The following PCDH15 variants were observed in gnomAD, a reference collection of about 807,000 sequenced individuals.
PCDH15 encodes protocadherin related 15.
A neutral mutation model predicts 178.5 loss-of-function variants in PCDH15; 129 were observed. That is an observed-to-expected ratio of 0.72 (90% CI 0.63 to 0.84). The LOEUF is 0.84. PCDH15 is among the 40% of genes least tolerant of loss of function. The pLI is 0.00. For missense variants in PCDH15, 2,230 were observed against 2,099.9 expected, an observed-to-expected ratio of 1.06 and a Z score of -1.21; for synonymous variants, 800 against 732.0, an observed-to-expected ratio of 1.09 and a Z score of -1.50.
intron 3 of PCDH15, among the ~76,000 whole-genome samples, chr10:54,835,232 T>C (rs1330100535): frequency 3.9e-5 from 6 of 152,174 alleles, no homozygotes; most frequent in Non-Finnish European, 8.8e-5. Flanking sequence ...CATATCTTCA[T>C]GGTCGCAATG....
At chr10:54,735,316 A>G (rs944661716) in intron 1 of PCDH15, among the ~76,000 whole-genome samples, 1 of 152,082 alleles carries the variant, frequency 6.6e-6, no homozygotes, top group African/African-American at 2.4e-5. Flanking sequence ...AATGATTGCC[A>G]TTCTAACTGG....
chr10:54,160,967 A>T (rs527776539), intron 13 of PCDH15, among the ~76,000 whole-genome samples: 1 of 152,286 alleles, frequency 6.6e-6, no homozygotes, highest in African/African-American at 2.4e-5. Context: ...TTGACAGTTT[A>T]TTTAAAAAGT....
chr10:54,336,560 C>A (rs1453194523), intron 6 of PCDH15, among the ~76,000 whole-genome samples: 1 of 152,150 alleles, frequency 6.6e-6, no homozygotes, highest in Non-Finnish European at 1.5e-5. Flanking sequence ...AAGCCCCAAG[C>A]CTTGGTAGCT....
rs142965016 is a variant in PCDH15, at chr10:55,286,847, T to C, written c.-156+32752A>G. Among the ~76,000 whole-genome samples, 4 of 152,166 alleles carry C rather than the reference T, an allele frequency of 2.6e-5. No individual in the cohort carries two copies. In the East Asian group the frequency reaches 7.7e-4, roughly 29 times the overall value. ...TTGCACTTTCTTAAGTTTTATTATATATTTCTTTTCATGCATTTGTATTAG... is the reference window on the plus strand; with the variant it reads ...TTGCACTTTCTTAAGTTTTATTATACATTTCTTTTCATGCATTTGTATTAG... On this transcript the variant is annotated intron_variant, in intron 1 of 5. Transcript: ENST00000458638.
chr10:54,232,152 G>A (rs753779758), intron 9 of PCDH15, among the ~76,000 whole-genome samples: 19 of 152,116 alleles, frequency 1.2e-4, no homozygotes, highest in African/African-American at 2.4e-5. Flanking sequence ...GAGGGACCTG[G>A]TAGGAGGTCA....
At chr10:53,995,532 A>G (rs984974857) in intron 21 of PCDH15, 117 bp downstream of exon 21, 1 of 1,578,834 alleles carries the variant, frequency 6.3e-7, no homozygotes, top group African/African-American at 1.3e-5. Context: ...AAAATGTATG[A>G]ATAAATAGGG....
chr10:53,821,095 A>G, intron 32 of PCDH15: 1 of 978,144 alleles, frequency 1.0e-6, no homozygotes, highest in Non-Finnish European at 1.2e-6. Flanking sequence ...ATGCCTTACA[A>G]AAGTCAACGA....
At chr10:54,444,297 G>A (rs552462653) in intron 3 of PCDH15, among the ~76,000 whole-genome samples, 24 of 151,736 alleles carry the variant, frequency 1.6e-4, no homozygotes, top group South Asian at 1.0e-3. Context: ...ACATGATTCC[G>A]GGGAGGAGCA....
rs567689810 is a variant in PCDH15, at chr10:54,519,446, T to G, written c.157+8366A>C. ...GACAAACAGAGAGCCAAATCATGAG[T>G]GAACTCCCATTCACAATTGCTTCAA... On this transcript the variant is annotated intron_variant, in intron 3 of 37. Coordinates refer to ENST00000644397, the MANE Select transcript of PCDH15 (RefSeq NM_001384140.1). Among the ~76,000 whole-genome samples, 67 of 152,186 alleles carry G rather than the reference T, an allele frequency of 4.4e-4. 1 individual carries two copies. Among genetic ancestry groups the G allele is most frequent in the South Asian group, 3.3e-3 (16 of 4,818 alleles).
rs143314693 is a variant in PCDH15, at chr10:54,659,979, G to T, written c.91+4193C>A. Among the ~76,000 whole-genome samples the T allele has an allele frequency of 1.9e-4, 29 of 152,068 alleles. 1 individual carries two copies. The East Asian group carries it at 5.6e-3, about 29-fold the overall frequency. ...AAAGCACTAAATGCCTACATAAAAA[G>T]ATAAAAATATCTTAAATTAATAATC... is the stretch of plus-strand genomic sequence containing the variant. On this transcript the variant is annotated intron_variant, in intron 2 of 37. Transcript: ENST00000644397.
chr10:55,010,345 G>C (rs1207859655), intron 2 of PCDH15, among the ~76,000 whole-genome samples: 1 of 152,108 alleles, frequency 6.6e-6, no homozygotes, highest in East Asian at 1.9e-4. Context: ...AGCAAAGACA[G>C]GCAAAGCCCC....
chr10:55,222,000 G>T (rs1840890357), intron 1 of PCDH15, among the ~76,000 whole-genome samples: 1 of 150,454 alleles, frequency 6.6e-6, no homozygotes, highest in African/African-American at 2.4e-5. Context: ...TCGAGTAGCT[G>T]GGACTACAGG....
chr10:55,090,181 T>C (rs10763181), intron 2 of PCDH15, among the ~76,000 whole-genome samples: 34,840 of 151,864 alleles, frequency 0.23, 4,525 homozygotes, highest in African/African-American at 0.34. Context: ...ATTAATGTTA[T>C]AGAAAAGATG....
Position 54,983,899 on chromosome 10 carries a change from T to C in PCDH15, c.-79-86399A>G, listed in dbSNP as rs113386558. ...CCCTGTAAAAACAGAGATAACACAATTGATAGAAAGTGATTCAAGTACTCC... is the reference window on the plus strand; with the variant it reads ...CCCTGTAAAAACAGAGATAACACAACTGATAGAAAGTGATTCAAGTACTCC... On this transcript the variant is annotated intron_variant, in intron 2 of 5. Transcript: ENST00000458638. Among the ~76,000 whole-genome samples, 271 of 152,098 alleles carry C rather than the reference T, an allele frequency of 1.8e-3. 1 individual carries two copies. The highest frequency in any genetic ancestry group is 2.7e-3 in the South Asian group (13 of 4,804).
chr10:54,120,630 A>G (rs2095200477), intron 15 of PCDH15, among the ~76,000 whole-genome samples: 1 of 152,198 alleles, frequency 6.6e-6, no homozygotes, highest in Non-Finnish European at 1.5e-5. Flanking sequence ...AACAGGGATT[A>G]CTATTCTCAT....
intron 2 of PCDH15, among the ~76,000 whole-genome samples, chr10:55,450,111 T>A (rs921771077): frequency 3.9e-4 from 59 of 152,192 alleles, no homozygotes; most frequent in African/African-American, 1.4e-3. Context: ...TTCTATAATA[T>A]CAAGCTACAT....
intron 2 of PCDH15, among the ~76,000 whole-genome samples, chr10:55,353,759 A>C (rs1332612322): frequency 1.3e-5 from 2 of 152,064 alleles, no homozygotes; most frequent in African/African-American, 4.8e-5. Flanking sequence ...TGATGATCAT[A>C]AAGCACACAA....
At chr10:54,567,704 T>C (rs1315133222) in intron 2 of PCDH15, among the ~76,000 whole-genome samples, 2 of 152,162 alleles carry the variant, frequency 1.3e-5, no homozygotes, top group South Asian at 2.1e-4. Flanking sequence ...AATTTTCTAA[T>C]TAGCCTAAAG....
chr10:55,371,721 C>A (rs915897156), intron 2 of PCDH15, among the ~76,000 whole-genome samples: 4 of 152,028 alleles, frequency 2.6e-5, no homozygotes, highest in Admixed American at 6.6e-5. Context: ...GTATAGCCTG[C>A]AGAGCTGTGA....
Sources: gnomAD v4.1 joint callset for allele counts (sites outside exome capture counted in the v4.1 genomes callset) on GRCh38, gnomAD v4.1.1 for gene constraint, MANE v1.5 for transcripts, NCBI Gene and HGNC (gene_info 2026-07-23, HGNC 2026-07-21) for gene names.